GRM8: variants seen among roughly 807,000 people sequenced by gnomAD.
The protein encoded by GRM8 is glutamate metabotropic receptor 8, also known as metabotropic glutamate receptor 8.
A neutral mutation model predicts 87.2 loss-of-function variants in GRM8; 47 were observed. The ratio of observed to expected loss-of-function variants is 0.54; its 90% confidence interval spans 0.43 to 0.69. The LOEUF (loss-of-function observed/expected upper bound fraction) is 0.69. Ranked by LOEUF, GRM8 falls within the 30% of genes least tolerant of loss-of-function variation. The pLI is 0.00. For synonymous variants in GRM8, 396 were observed against 404.5 expected (o/e 0.98, Z 0.25); for missense variants, 1,019 against 1,139.2 (o/e 0.89, Z 1.52).
chr7:126,975,018 T>C (rs988916845), intron 3 of GRM8, among the ~76,000 whole-genome samples: 2 of 146,490 alleles, frequency 1.4e-5, no homozygotes, highest in Non-Finnish European at 3.0e-5. Context: ...AAAGTTCAGA[T>C]GCCTCAAAGC....
At chr7:126,491,192 C>T (rs772518326) in intron 9 of GRM8, among the ~76,000 whole-genome samples, 16 of 151,988 alleles carry the variant, frequency 1.1e-4, no homozygotes, top group South Asian at 2.1e-4. Flanking sequence ...GTTCTACAAC[C>T]GTTACTAGCA....
chr7:126,794,950 C>G (rs982959220), intron 6 of GRM8, among the ~76,000 whole-genome samples: 1 of 152,160 alleles, frequency 6.6e-6, no homozygotes, highest in Non-Finnish European at 1.5e-5. Flanking sequence ...AATGGTCAGA[C>G]CTCAGCCCAG....
At chr7:126,583,474 T>C (rs757677949) in intron 8 of GRM8, among the ~76,000 whole-genome samples, 1 of 152,110 alleles carries the variant, frequency 6.6e-6, no homozygotes, top group Non-Finnish European at 1.5e-5. Context: ...GAAAATACAT[T>C]GAAAACTTCC....
Position 126,557,169 on chromosome 7 carries a change from A to G in GRM8, c.1495-23282T>C, listed in dbSNP as rs145866623. Among the ~76,000 whole-genome samples, 824 of 152,312 alleles carry G rather than the reference A, an allele frequency of 5.4e-3. 5 individuals are homozygous for G. The highest frequency in any genetic ancestry group is 0.024 in the South Asian group (117 of 4,828). On this transcript the variant is annotated intron_variant, in intron 8 of 10. Coordinates refer to ENST00000339582, the MANE Select transcript of GRM8 (RefSeq NM_000845.3). Reference sequence around the variant, plus strand: ...GACACTGGCAAGTGCAGAAGACCTCACACTGCCTTGCTGGCGATTTTCTCC... The same window carrying G: ...GACACTGGCAAGTGCAGAAGACCTCGCACTGCCTTGCTGGCGATTTTCTCC...
At chr7:127,030,122 T>G (rs1322712948) in intron 3 of GRM8, among the ~76,000 whole-genome samples, 1 of 152,030 alleles carries the variant, frequency 6.6e-6, no homozygotes, top group Non-Finnish European at 1.5e-5. Context: ...GTGGCGATGA[T>G]TCTTTTGCCT....
At chr7:126,680,661 T>C (rs188015831) in intron 7 of GRM8, among the ~76,000 whole-genome samples, 193 of 152,338 alleles carry the variant, frequency 1.3e-3, no homozygotes, top group Non-Finnish European at 2.4e-3. Context: ...GTCACTAATA[T>C]AACCATTTTA....
At chr7:127,015,242 A>AG (rs1815514213) in intron 3 of GRM8, among the ~76,000 whole-genome samples, 1 of 131,646 alleles carries the variant, frequency 7.6e-6, no homozygotes, top group Non-Finnish European at 1.6e-5. Context: ...GAAGAAGAAG[A>AG]AGAAGAAGAA....
intron 7 of GRM8, among the ~76,000 whole-genome samples, chr7:126,629,250 C>A (rs1404543949): frequency 6.6e-6 from 1 of 152,190 alleles, no homozygotes; most frequent in East Asian, 1.9e-4. Flanking sequence ...CATCAGTCAA[C>A]CTTCTGTCTG....
intron 8 of GRM8, among the ~76,000 whole-genome samples, chr7:126,536,457 A>G (rs1030600802): frequency 6.6e-6 from 1 of 152,170 alleles, no homozygotes; most frequent in Non-Finnish European, 1.5e-5. Flanking sequence ...TTCATCTGTC[A>G]TATGTCATCA....
intron 2 of GRM8, among the ~76,000 whole-genome samples, chr7:127,185,180 C>T (rs937144540): frequency 1.3e-5 from 2 of 151,866 alleles, no homozygotes; most frequent in Admixed American, 6.6e-5. Context: ...TAAGCTTGAA[C>T]GACACATAAT....
At chr7:126,537,268 T>C (rs1488095939) in intron 8 of GRM8, among the ~76,000 whole-genome samples, 13 of 152,122 alleles carry the variant, frequency 8.5e-5, no homozygotes, top group Non-Finnish European at 1.9e-4. Context: ...AATAAATATG[T>C]TAAATATGCA....
intron 2 of GRM8, among the ~76,000 whole-genome samples, chr7:127,109,246 A>C (rs146765244): frequency 2.0e-3 from 312 of 152,318 alleles, no homozygotes; most frequent in African/African-American, 7.0e-3. Context: ...GGAGGAAAAA[A>C]ATGAAAGGAA....
chr7:127,224,566 A>G (rs757712808), intron 2 of GRM8, among the ~76,000 whole-genome samples: 2 of 152,226 alleles, frequency 1.3e-5, no homozygotes, highest in Admixed American at 1.3e-4. Context: ...AAAGGAAAAG[A>G]TAAAAGAAAG....
intron 6 of GRM8, among the ~76,000 whole-genome samples, chr7:126,788,420 A>AAAAAAAAAAAAAAAAC: frequency 3.7e-5 from 3 of 81,132 alleles, no homozygotes; most frequent in African/African-American, 1.4e-4. Flanking sequence ...AAAAAAAAAA[A>AAAAAAAAAAAAAAAAC]AAACCCTTTC....
At chr7:126,886,294 A>T (rs935461086) in intron 6 of GRM8, among the ~76,000 whole-genome samples, 1 of 152,152 alleles carries the variant, frequency 6.6e-6, no homozygotes, top group Non-Finnish European at 1.5e-5. Flanking sequence ...AAAATTCCTG[A>T]CATATTTCAC....
At chr7:126,704,193 C>T (rs1417185636) in intron 7 of GRM8, among the ~76,000 whole-genome samples, 1 of 152,122 alleles carries the variant, frequency 6.6e-6, no homozygotes, top group Non-Finnish European at 1.5e-5. Context: ...TTTATTAGTT[C>T]CCCAAATTAA....
chr7:126,600,933 A>AT (rs34047308), intron 8 of GRM8, among the ~76,000 whole-genome samples: 22 of 151,082 alleles, frequency 1.5e-4, no homozygotes, highest in East Asian at 1.2e-3. Flanking sequence ...CTAGAGTGGC[A>AT]TTTTTTTTTT....
At chr7:126,984,499 C>G (rs1474493033) in intron 3 of GRM8, among the ~76,000 whole-genome samples, 4 of 152,292 alleles carry the variant, frequency 2.6e-5, no homozygotes, top group African/African-American at 9.6e-5. Flanking sequence ...GCCTCCCAGC[C>G]TATATCTTTC....
chr7:127,111,457 G>T (rs1826342197), intron 2 of GRM8, among the ~76,000 whole-genome samples: 1 of 151,994 alleles, frequency 6.6e-6, no homozygotes, highest in Non-Finnish European at 1.5e-5. Flanking sequence ...TCCTTGAAAT[G>T]GTAAGTGAAG....
Sources: gnomAD v4.1 joint callset for allele counts (sites outside exome capture counted in the v4.1 genomes callset) on GRCh38, gnomAD v4.1.1 for gene constraint, MANE v1.5 for transcripts, NCBI Gene and HGNC (gene_info 2026-07-23, HGNC 2026-07-21) for gene names.